The following CAAP1 variants were observed in gnomAD, a reference collection of about 807,000 sequenced individuals.
The protein encoded by CAAP1 is conserved anti-apoptotic protein.
In CAAP1, 20 loss-of-function variants were observed where a neutral mutation model predicts 34.0. The observed-to-expected ratio is 0.59, with a 90% CI of 0.41 to 0.86. The LOEUF (loss-of-function observed/expected upper bound fraction) is 0.86. Ranked by LOEUF, CAAP1 falls within the 40% of genes least tolerant of loss-of-function variation. CAAP1 has a pLI of 0.00. For missense variants in CAAP1, 538 were observed against 450.5 expected (o/e 1.19, Z -1.76); for synonymous variants, 213 against 166.7 (o/e 1.28, Z -2.14).
intron 4 of CAAP1, among the ~76,000 whole-genome samples, chr9:26,862,921 C>A (rs1823036890): frequency 6.6e-6 from 1 of 151,714 alleles, no homozygotes; most frequent in Non-Finnish European, 1.5e-5. Context: ...TCAAATGTTT[C>A]ATTAAAAAAA....
At chr9:26,880,678 T>A (rs1229452710) in intron 4 of CAAP1, 1 of 152,308 alleles carries the variant, frequency 6.6e-6, no homozygotes, top group Non-Finnish European at 1.5e-5. Context: ...CTGTCATCTT[T>A]CTTTCTTTAT....
At chr9:26,842,687 AC>A in intron 5 of CAAP1, 40 bp from the exon 6 acceptor site, 2 of 1,452,804 alleles carry the variant, frequency 1.4e-6, no homozygotes, top group African/African-American at 1.4e-5. Flanking sequence ...TAACCTAAAT[AC>A]CATGGGTCAC....
At chr9:26,882,438 T>G (rs7029328) in intron 4 of CAAP1, among the ~76,000 whole-genome samples, 6,487 of 152,250 alleles carry the variant, frequency 0.043, 469 homozygotes, top group African/African-American at 0.15. Context: ...GAGCCTGCAG[T>G]TGCATAGAAG....
intron 4 of CAAP1, among the ~76,000 whole-genome samples, chr9:26,867,918 C>T (rs1823176206): frequency 1.3e-5 from 2 of 152,202 alleles, no homozygotes; most frequent in African/African-American, 4.8e-5. Flanking sequence ...GGGTCCTTGA[C>T]ACAAAAAAGT....
chr9:26,865,517 T>G (rs1421194460), intron 4 of CAAP1, among the ~76,000 whole-genome samples: 1 of 140,156 alleles, frequency 7.1e-6, no homozygotes, highest in Non-Finnish European at 1.5e-5. Flanking sequence ...AGAGAGAAAC[T>G]ATGTCTCAAA....
chr9:26,870,004 G>A (rs1823235237), intron 4 of CAAP1: 27 of 800,586 alleles, frequency 3.4e-5, no homozygotes, highest in Non-Finnish European at 4.1e-5. Context: ...AATAGATACA[G>A]TTTAAAAGTT....
chr9:26,844,250 G>A (rs1012661343), intron 5 of CAAP1, among the ~76,000 whole-genome samples: 10 of 152,062 alleles, frequency 6.6e-5, no homozygotes, highest in South Asian at 4.1e-4. Context: ...CCAGCTACTC[G>A]GGAGGCTGAG....
rs1010392275 is a variant in CAAP1 at position 26,887,665 on chromosome 9, A to G, written c.304-152T>C. ...TTATTTATCAAAACCATAGGAGAGA[A>G]TATCTGTTTAATATTACTTGATTTT... On this transcript the variant is annotated intron_variant, in intron 1 of 5. Transcript: ENST00000333916. The G allele has an allele frequency of 7.0e-6, 4 of 571,500 alleles. No homozygotes were observed. In the Admixed American group the frequency reaches 1.4e-4, roughly 20 times the overall value. 35.4% of individuals were successfully genotyped at this position (571,500 alleles called of 1,614,324 possible).
At chr9:26,875,566 C>A (rs1373590506) in intron 4 of CAAP1, among the ~76,000 whole-genome samples, 2 of 152,160 alleles carry the variant, frequency 1.3e-5, no homozygotes, top group Non-Finnish European at 2.9e-5. Context: ...AGCTGTATGT[C>A]TCAGTTGATA....
chr9:26,889,729 G>C (rs142787346), intron 1 of CAAP1, among the ~76,000 whole-genome samples: 3 of 151,696 alleles, frequency 2.0e-5, no homozygotes, highest in Non-Finnish European at 4.4e-5. Flanking sequence ...TTAACTGGGC[G>C]TTGTGGCAGA....
At chr9:26,880,280 A>G in intron 4 of CAAP1, 1 of 406,110 alleles carries the variant, frequency 2.5e-6, no homozygotes, top group South Asian at 1.8e-5. Flanking sequence ...GCAAAGCACC[A>G]ATAGCTGCGC....
intron 4 of CAAP1, among the ~76,000 whole-genome samples, chr9:26,881,478 T>C (rs1173367342): frequency 6.6e-6 from 1 of 152,170 alleles, no homozygotes; most frequent in Non-Finnish European, 1.5e-5. Context: ...TTTCACAAGA[T>C]CTGATGGTTT....
intron 4 of CAAP1, among the ~76,000 whole-genome samples, chr9:26,882,646 G>T (rs1823622167): frequency 6.6e-6 from 1 of 152,190 alleles, no homozygotes; most frequent in Non-Finnish European, 1.5e-5. Flanking sequence ...TGCCCTAGTG[G>T]AGCTGTGAGA....
chr9:26,874,822 G>A (rs1587116642), intron 4 of CAAP1, among the ~76,000 whole-genome samples: 1 of 152,072 alleles, frequency 6.6e-6, no homozygotes, highest in African/African-American at 2.4e-5. Context: ...GCAACAGAAA[G>A]AGAAATCTGG....
At chr9:26,884,339 T>C (rs778063265) in intron 4 of CAAP1, among the ~76,000 whole-genome samples, 7 of 152,168 alleles carry the variant, frequency 4.6e-5, no homozygotes, top group Non-Finnish European at 8.8e-5. Flanking sequence ...TCAAATAATA[T>C]ACATTTATAG....
intron 4 of CAAP1, among the ~76,000 whole-genome samples, chr9:26,876,472 G>A (rs918445753): frequency 8.0e-6 from 1 of 125,714 alleles, no homozygotes; most frequent in Non-Finnish European, 1.7e-5. Flanking sequence ...ATTCTAGAAG[G>A]TTTTTTTTTT....
Position 26,892,558 on chromosome 9 carries a change from C to A in CAAP1, c.158G>T (p.Ser53Ile). Residue 53 changes from serine (S) to isoleucine (I), a missense_variant, in exon 1 of 6, where the codon AGC becomes ATC. Physicochemically the swap from Ser to Ile is moderately radical, Grantham distance 142 (BLOSUM62 -2). This residue lies in a region of CAAP1 where 514 missense variants were observed against 408.4 expected (regional missense o/e 1.26). Transcript: ENST00000333916. ...CGSAGGCGSV[S>I]CCGNANFSGS... ...ACTAAAATTGGCGTTCCCACAGCAG[C>A]TGACGCTCCCGCAGCCCCCGGCGCT... is the stretch of plus-strand genomic sequence containing the variant. 6.3e-7 allele frequency: 1 copy of A among 1,586,226 alleles called. No individual in the cohort carries two copies. Among genetic ancestry groups the A allele is most frequent in the Non-Finnish European group, 8.6e-7 (1 of 1,166,758 alleles).
chr9:26,845,324 T>C (rs555675113), intron 5 of CAAP1, among the ~76,000 whole-genome samples: 3 of 152,226 alleles, frequency 2.0e-5, no homozygotes, highest in Non-Finnish European at 4.4e-5. Context: ...TTAACTTTTA[T>C]TGCACATTTA....
chr9:26,883,391 C>T (rs1823649293), intron 4 of CAAP1, among the ~76,000 whole-genome samples: 1 of 152,144 alleles, frequency 6.6e-6, no homozygotes, highest in African/African-American at 2.4e-5. Context: ...CACCTTCCAC[C>T]ATGATTGTGA....
Sources: gnomAD v4.1 joint callset for allele counts (sites outside exome capture counted in the v4.1 genomes callset) on GRCh38, gnomAD v4.1.1 for gene constraint, gnomAD v4.1.1 regional missense constraint, MANE v1.5 for transcripts, NCBI Gene and HGNC (gene_info 2026-07-23, HGNC 2026-07-21) for gene names.